ANK3: variants seen among roughly 807,000 people sequenced by gnomAD.
The protein encoded by ANK3 is ankyrin 3, also known as ankyrin-3.
ANK3 carries 57 observed loss-of-function variants against 370.9 expected under a neutral mutation model. That is an observed-to-expected ratio of 0.15 (90% confidence interval 0.12 to 0.19). ANK3 has a LOEUF of 0.19. ANK3 is among the 10% of genes least tolerant of loss of function. The pLI is 1.00. For missense variants in ANK3, 4,439 were observed against 5,302.1 expected (o/e 0.84, Z 5.06); for synonymous variants, 1,929 against 1,946.3 (o/e 0.99, Z 0.23).
At chr10:60,634,785 G>A (rs1435602198) in intron 1 of ANK3, among the ~76,000 whole-genome samples, 1 of 151,912 alleles carries the variant, frequency 6.6e-6, no homozygotes, top group Non-Finnish European at 1.5e-5. Context: ...GCGAGACCGC[G>A]AACCCACCGG....
At position 60,547,305 on chromosome 10, in the gene ANK3, C is replaced by T. The variant is rs187937203; in HGVS notation, c.96+67881G>A. 3.0e-4 allele frequency among the ~76,000 whole-genome samples: 46 copies of T among 152,190 alleles called. No homozygotes were observed. The East Asian group carries it at 7.9e-3, about 26-fold the overall frequency. On this transcript the variant is annotated intron_variant, in intron 2 of 43. Transcript: ENST00000373827. ...ACAGTGTTTCATCATCTTGGCCAGA[C>T]TGGTCTTGAACTCCTGACCTCATGA...
chr10:60,066,724 G>T (rs1050614716), intron 38 of ANK3, among the ~76,000 whole-genome samples: 7 of 152,034 alleles, frequency 4.6e-5, no homozygotes, highest in Non-Finnish European at 1.0e-4. Context: ...TGTTGCTAAT[G>T]GTATGCAGGA....
chr10:60,418,903 C>T (rs1328595929), intron 2 of ANK3, among the ~76,000 whole-genome samples: 1 of 152,022 alleles, frequency 6.6e-6, no homozygotes, highest in South Asian at 2.1e-4. Flanking sequence ...TTAAACTGAT[C>T]AAAACCGAGA....
chr10:60,546,585 T>G (rs1460036108), intron 2 of ANK3, among the ~76,000 whole-genome samples: 3 of 152,182 alleles, frequency 2.0e-5, no homozygotes, highest in Non-Finnish European at 4.4e-5. Flanking sequence ...AACTCAGCAA[T>G]AACCAACATT....
chr10:60,673,349 G>T (rs1366081937), intron 1 of ANK3, among the ~76,000 whole-genome samples: 1 of 132,726 alleles, frequency 7.5e-6, no homozygotes, highest in Admixed American at 7.3e-5. Context: ...CTTCAGACAA[G>T]ATTTTTTTTT....
At chr10:60,168,318 G>A (rs959993286) in intron 21 of ANK3, among the ~76,000 whole-genome samples, 4 of 152,156 alleles carry the variant, frequency 2.6e-5, no homozygotes, top group Non-Finnish European at 5.9e-5. Context: ...GAGCCACCGC[G>A]CCTGGCCTAT....
chr10:60,430,306 G>C (rs1013057616), intron 2 of ANK3, among the ~76,000 whole-genome samples: 1 of 152,094 alleles, frequency 6.6e-6, no homozygotes, highest in Non-Finnish European at 1.5e-5. Flanking sequence ...TCACTGGTCT[G>C]TACCCTGTAA....
intron 2 of ANK3, among the ~76,000 whole-genome samples, chr10:60,477,510 C>G (rs897076106): frequency 1.5e-5 from 2 of 132,090 alleles, no homozygotes; most frequent in African/African-American, 5.6e-5. Context: ...GACAGACAGA[C>G]AGACATACAC....
At position 60,055,842 on chromosome 10, in the gene ANK3, T is replaced by C; in HGVS notation, c.12881A>G (p.Glu4294Gly). 3.7e-6 allele frequency: 6 copies of C among 1,614,198 alleles called. No individual in the cohort carries two copies. The highest frequency in any genetic ancestry group is 3.4e-6 in the Non-Finnish European group (4 of 1,180,016). Residue 4294 changes from glutamate (E) to glycine (G), a missense_variant, in exon 42 of 44, where the codon GAA (glutamate) becomes GGA (glycine). Glu to Gly is a moderately conservative substitution (Grantham distance 98). Coordinates refer to ENST00000280772, the MANE Select transcript of ANK3 (RefSeq NM_020987.5). ...KPKIHGSGHV[E>G]EPASPLAAYQ... ...TGCTGCTAGTGGTGATGCTGGTTCTTCAACATGACCAGATCCATGTATTTT... is the reference window on the plus strand; with the variant it reads ...TGCTGCTAGTGGTGATGCTGGTTCTCCAACATGACCAGATCCATGTATTTT...
At chr10:60,213,058 G>A (rs1223147310) in intron 9 of ANK3, among the ~76,000 whole-genome samples, 2 of 152,116 alleles carry the variant, frequency 1.3e-5, no homozygotes, top group African/African-American at 4.8e-5. Context: ...GAAGTAAGCT[G>A]AGGTGCTGAA....
chr10:60,100,054 T>A (rs1170264706), intron 28 of ANK3, among the ~76,000 whole-genome samples: 1 of 152,154 alleles, frequency 6.6e-6, no homozygotes, highest in Non-Finnish European at 1.5e-5. Flanking sequence ...TAAAAACCTG[T>A]CCTTATTAAT....
At chr10:60,535,470 C>T (rs1358052161) in intron 2 of ANK3, among the ~76,000 whole-genome samples, 1 of 151,978 alleles carries the variant, frequency 6.6e-6, no homozygotes, top group Non-Finnish European at 1.5e-5. Flanking sequence ...TGAATATATG[C>T]CAAATACATA....
intron 1 of ANK3, among the ~76,000 whole-genome samples, chr10:60,719,967 C>T (rs2079841168): frequency 6.6e-6 from 1 of 152,166 alleles, no homozygotes; most frequent in Non-Finnish European, 1.5e-5. Flanking sequence ...TTCATTTTAA[C>T]ATCAACTGAT....
intron 1 of ANK3, among the ~76,000 whole-genome samples, chr10:60,316,185 A>C (rs1483870577): frequency 6.6e-6 from 1 of 152,136 alleles, no homozygotes; most frequent in Non-Finnish European, 1.5e-5. Context: ...GGATTCTCCT[A>C]ATCTGCCATC....
At chr10:60,240,992 A>G (rs113357127) in intron 7 of ANK3, among the ~76,000 whole-genome samples, 207 of 152,300 alleles carry the variant, frequency 1.4e-3, no homozygotes, top group African/African-American at 4.7e-3. Context: ...GTACATTTGT[A>G]CAGTGGAAAG....
intron 2 of ANK3, among the ~76,000 whole-genome samples, chr10:60,602,603 T>A (rs1006462259): frequency 7.2e-5 from 11 of 152,118 alleles, no homozygotes; most frequent in African/African-American, 9.7e-5. Context: ...GGTTCTTAAA[T>A]TGGGATATAT....
intron 16 of ANK3, among the ~76,000 whole-genome samples, chr10:60,191,361 T>A (rs1160887260): frequency 6.7e-6 from 1 of 150,138 alleles, no homozygotes; most frequent in African/African-American, 2.4e-5. Flanking sequence ...ATATCCAGGA[T>A]TTATGAGGAA....
At chr10:60,699,842 T>C (rs1174525836) in intron 1 of ANK3, among the ~76,000 whole-genome samples, 5 of 152,194 alleles carry the variant, frequency 3.3e-5, no homozygotes, top group South Asian at 4.1e-4. Flanking sequence ...GGTATCATTT[T>C]AAAATAACAT....
chr10:60,259,673 C>G lies in ANK3; in HGVS notation c.798+2186G>C, dbSNP rs116752736. On this transcript the variant is annotated intron_variant, in intron 7 of 43. Coordinates refer to ENST00000280772, the MANE Select transcript of ANK3 (RefSeq NM_020987.5). ...CCTCTTAAATTGCTTAAACATTTCT[C>G]TAATCCTCTTGTTTTTAGCAACATC... Among the ~76,000 whole-genome samples the G allele has an allele frequency of 7.5e-3, 1,140 of 152,280 alleles. 16 individuals carry two copies. Among genetic ancestry groups the G allele is most frequent in the African/African-American group, 0.026 (1,095 of 41,548 alleles).
Sources: gnomAD v4.1 joint callset for allele counts (sites outside exome capture counted in the v4.1 genomes callset) on GRCh38, gnomAD v4.1.1 for gene constraint, MANE v1.5 for transcripts, NCBI Gene and HGNC (gene_info 2026-07-23, HGNC 2026-07-21) for gene names.